NRXN3: variants seen among roughly 807,000 people sequenced by gnomAD.
NRXN3 encodes the protein neurexin 3.
Under a neutral mutation model 137.6 loss-of-function variants are expected in NRXN3, and 32 were observed. That is an observed-to-expected ratio of 0.23 (90% confidence interval 0.18 to 0.31). The LOEUF is 0.31. Among genes scored for constraint, NRXN3 ranks in the 10% least tolerant of loss-of-function variants. The pLI is 1.00. For missense variants in NRXN3, 1,574 were observed against 2,062.5 expected (o/e 0.76, Z 4.59); for synonymous variants, 798 against 784.5 (o/e 1.02, Z -0.29).
intron 15 of NRXN3, among the ~76,000 whole-genome samples, chr14:79,349,429 AAGAG>A (rs1331379383): frequency 1.3e-5 from 2 of 152,040 alleles, no homozygotes; most frequent in Non-Finnish European, 2.9e-5. Flanking sequence ...AGAAAAAAAG[AAGAG>A]AAAGAAAAGT....
chr14:79,181,175 C>G (rs1168788021), intron 15 of NRXN3, among the ~76,000 whole-genome samples: 1 of 151,778 alleles, frequency 6.6e-6, no homozygotes, highest in African/African-American at 2.4e-5. Flanking sequence ...AAGACTGGGT[C>G]AAATCTGAGA....
rs1016732718 is a variant in NRXN3 at position 78,283,887 on chromosome 14, A to G, written c.727+5225A>G. 1.5e-4 allele frequency among the ~76,000 whole-genome samples: 23 copies of G among 152,174 alleles called. 1 individual carries two copies. The highest frequency in any genetic ancestry group is 4.6e-4 in the African/African-American group (19 of 41,440). Reference sequence around the variant, plus strand: ...CCTCACAGCCTCTAAAGTGTTTACAATCTGGCTCCTTATTAAACAAAAGTT... The same window carrying G: ...CCTCACAGCCTCTAAAGTGTTTACAGTCTGGCTCCTTATTAAACAAAAGTT... On this transcript the variant is annotated intron_variant, in intron 3 of 20. Transcript: ENST00000335750.
At chr14:78,729,328 G>A (rs571252898) in intron 8 of NRXN3, among the ~76,000 whole-genome samples, 2 of 152,302 alleles carry the variant, frequency 1.3e-5, no homozygotes, top group Admixed American at 6.5e-5. Flanking sequence ...GGAGGCCTTA[G>A]AGGTGGGATT....
chr14:79,634,441 TTAAAA>T (rs1241443349), intron 16 of NRXN3, among the ~76,000 whole-genome samples: 2 of 152,218 alleles, frequency 1.3e-5, no homozygotes, highest in African/African-American at 4.8e-5. Context: ...AATAATGTCT[TTAAAA>T]TAAATTATCT....
chr14:79,628,992 C>T (rs988145884), intron 16 of NRXN3, among the ~76,000 whole-genome samples: 14 of 152,316 alleles, frequency 9.2e-5, no homozygotes, highest in African/African-American at 3.4e-4. Context: ...ATTGTTCAAA[C>T]TAGATCCGTT....
At chr14:79,029,160 AAG>A (rs1297618547) in intron 15 of NRXN3, among the ~76,000 whole-genome samples, 3 of 152,028 alleles carry the variant, frequency 2.0e-5, no homozygotes, top group Non-Finnish European at 2.9e-5. Context: ...GAAGAAAGGA[AAG>A]AGAGAGGAAA....
At chr14:79,430,422 GT>G (rs1017497534) in intron 15 of NRXN3, among the ~76,000 whole-genome samples, 1 of 152,104 alleles carries the variant, frequency 6.6e-6, no homozygotes, top group Non-Finnish European at 1.5e-5. Context: ...AGGTTTATTT[GT>G]GCAAATGGTA....
In NRXN3 at chr14:79,702,848, G is replaced by A. The variant is rs148690511; in HGVS notation, c.4014+4911G>A. On this transcript the variant is annotated intron_variant, in intron 19 of 20. Transcript: ENST00000335750. ...TTCAACTCAGTCTACACTCAAATTC[G>A]TTGGTCTTCCTTCAGGATAGAAGGA... Among the ~76,000 whole-genome samples, 416 of 143,792 alleles carry A rather than the reference G, an allele frequency of 2.9e-3. 1 individual carries two copies. The highest frequency in any genetic ancestry group is 9.9e-3 in the African/African-American group (385 of 38,770). The allele number at this position is 143,792 out of a possible 152,430, so 94.3% of individuals were successfully genotyped here.
At chr14:78,478,125 G>C (rs1453493049) in intron 4 of NRXN3, among the ~76,000 whole-genome samples, 1 of 152,182 alleles carries the variant, frequency 6.6e-6, no homozygotes, top group African/African-American at 2.4e-5. Context: ...TGGAAAATAG[G>C]TATCATGATA....
intron 15 of NRXN3, among the ~76,000 whole-genome samples, chr14:79,052,045 G>A (rs568077855): frequency 5.9e-5 from 9 of 152,272 alleles, no homozygotes; most frequent in African/African-American, 2.2e-4. Flanking sequence ...CTTAATTTAT[G>A]TAATTTTTAA....
chr14:79,619,057 A>C (rs1421628660), intron 16 of NRXN3, among the ~76,000 whole-genome samples: 2 of 151,502 alleles, frequency 1.3e-5, no homozygotes, highest in Admixed American at 6.6e-5. Context: ...GAGTTATTTG[A>C]TTTTTGTGTT....
At chr14:78,327,442 C>T (rs2080242166) in intron 4 of NRXN3, among the ~76,000 whole-genome samples, 1 of 152,116 alleles carries the variant, frequency 6.6e-6, no homozygotes, top group African/African-American at 2.4e-5. Context: ...CTTTTTGTAG[C>T]AATTCCTGCT....
chr14:79,414,950 C>A (rs1456627475), intron 15 of NRXN3, among the ~76,000 whole-genome samples: 5 of 152,134 alleles, frequency 3.3e-5, no homozygotes, highest in Non-Finnish European at 1.5e-5. Context: ...TAAGTGAGAT[C>A]ATGCAGTATT....
chr14:78,716,338 A>G (rs1485469467), intron 8 of NRXN3, among the ~76,000 whole-genome samples: 3 of 152,158 alleles, frequency 2.0e-5, no homozygotes, highest in Admixed American at 6.5e-5. Context: ...TTCTATATTC[A>G]ATGAAAGGAT....
intron 16 of NRXN3, among the ~76,000 whole-genome samples, chr14:79,492,419 G>A (rs1467593440): frequency 6.6e-6 from 1 of 151,882 alleles, no homozygotes; most frequent in Non-Finnish European, 1.5e-5. Context: ...GTCTCACTCT[G>A]TTGCCCAGGC....
At chr14:78,444,086 G>C (rs2094340944) in intron 4 of NRXN3, among the ~76,000 whole-genome samples, 1 of 152,192 alleles carries the variant, frequency 6.6e-6, no homozygotes, top group Admixed American at 6.5e-5. Context: ...CATCAAATCA[G>C]AGTTAGGGCT....
intron 16 of NRXN3, among the ~76,000 whole-genome samples, chr14:79,576,417 T>A (rs890779210): frequency 2.0e-5 from 3 of 152,210 alleles, no homozygotes; most frequent in African/African-American, 7.2e-5. Context: ...AAGAGGCTCA[T>A]GTATTTATGT....
chr14:79,414,847 C>T (rs2095473455), intron 15 of NRXN3, among the ~76,000 whole-genome samples: 1 of 152,032 alleles, frequency 6.6e-6, no homozygotes, highest in Non-Finnish European at 1.5e-5. Context: ...TACTATTTGA[C>T]CCACACCTCC....
intron 15 of NRXN3, among the ~76,000 whole-genome samples, chr14:79,222,170 T>G (rs2069846150): frequency 6.6e-6 from 1 of 152,206 alleles, no homozygotes; most frequent in Non-Finnish European, 1.5e-5. Flanking sequence ...TGTAGTATAG[T>G]TTGAAGTCAG....
Sources: gnomAD v4.1 joint callset for allele counts (sites outside exome capture counted in the v4.1 genomes callset) on GRCh38, gnomAD v4.1.1 for gene constraint, MANE v1.5 for transcripts, NCBI Gene and HGNC (gene_info 2026-07-23, HGNC 2026-07-21) for gene names.